ASTN2: variants seen among roughly 807,000 people sequenced by gnomAD.
The protein encoded by ASTN2 is astrotactin-2.
A neutral mutation model predicts 139.8 loss-of-function variants in ASTN2; 54 were observed. The observed-to-expected ratio is 0.39, with a 90% CI of 0.31 to 0.48. The LOEUF is 0.48. Among genes scored for constraint, ASTN2 ranks in the 20% least tolerant of loss-of-function variants. ASTN2 has a pLI of 0.95. For missense variants in ASTN2, 1,565 were observed against 1,725.1 expected, an observed-to-expected ratio of 0.91 and a Z score of 1.64; for synonymous variants, 756 against 719.5, an observed-to-expected ratio of 1.05 and a Z score of -0.81.
chr9:117,102,548 G>A (rs527471533), intron 4 of ASTN2, among the ~76,000 whole-genome samples: 4 of 152,110 alleles, frequency 2.6e-5, no homozygotes, highest in East Asian at 1.9e-4. Flanking sequence ...TTGAGACAGA[G>A]TTTCACTCTT....
Position 117,018,591 on chromosome 9 carries a change from C to T in ASTN2, c.1424-10332G>A, listed in dbSNP as rs1210646727. On this transcript the variant is annotated intron_variant, in intron 6 of 22. Transcript: ENST00000313400. Reference sequence around the variant, plus strand: ...TCTACTCTCTTCTGTCTGGAATTGGCTTCACTGGAAAAAGCATAGACCTTG... The same window carrying T: ...TCTACTCTCTTCTGTCTGGAATTGGTTTCACTGGAAAAAGCATAGACCTTG... 3.9e-5 allele frequency among the ~76,000 whole-genome samples: 6 copies of T among 152,124 alleles called. 1 individual carries two copies. Among genetic ancestry groups the T allele is most frequent in the Admixed American group, 1.3e-4 (2 of 15,262 alleles).
chr9:116,738,124 G>A lies in ASTN2; in HGVS notation c.2397-4601C>T, dbSNP rs535815456. ...GGAGAATGGCGTGAACCCGGGAGGC[G>A]GAGCTTGCAGTGAGCCGAGATCGCG... On this transcript the variant is annotated intron_variant, in intron 13 of 22. Coordinates refer to ENST00000313400, the MANE Select transcript of ASTN2 (RefSeq NM_001365068.1). Among the ~76,000 whole-genome samples the A allele has an allele frequency of 2.1e-4, 31 of 151,120 alleles. No homozygotes were observed. In the South Asian group the frequency reaches 3.6e-3, roughly 18 times the overall value.
At chr9:116,925,229 C>T (rs1221416960) in intron 10 of ASTN2, among the ~76,000 whole-genome samples, 2 of 152,206 alleles carry the variant, frequency 1.3e-5, no homozygotes, top group Non-Finnish European at 2.9e-5. Context: ...AGCACTACCA[C>T]CACTACCATC....
intron 5 of ASTN2, among the ~76,000 whole-genome samples, chr9:117,083,905 C>T (rs912860271): frequency 5.3e-5 from 8 of 151,960 alleles, no homozygotes; most frequent in African/African-American, 1.9e-4. Flanking sequence ...ATTTCAGGGA[C>T]CATCATGGGC....
chr9:116,426,143 C>T, intron 22 of ASTN2, 55 bp from the exon 23 acceptor site: 1 of 1,589,496 alleles, frequency 6.3e-7, no homozygotes, highest in Non-Finnish European at 8.6e-7. Context: ...AAGAGTTAGA[C>T]CTTTGAGGTA....
chr9:116,565,388 C>CATATATATATATAT (rs1164878126), intron 19 of ASTN2, among the ~76,000 whole-genome samples: 1 of 34,020 alleles, frequency 2.9e-5, no homozygotes. Flanking sequence ...TCTCTCTCTC[C>CATATATATATATAT]ATATATATAT....
At chr9:117,325,828 G>A (rs1828495423) in intron 1 of ASTN2, among the ~76,000 whole-genome samples, 1 of 152,168 alleles carries the variant, frequency 6.6e-6, no homozygotes, top group East Asian at 1.9e-4. Flanking sequence ...CAGACCTGAA[G>A]GGGTCCTTAA....
At chr9:117,135,004 G>A (rs1054968581) in intron 4 of ASTN2, among the ~76,000 whole-genome samples, 6 of 152,220 alleles carry the variant, frequency 3.9e-5, no homozygotes, top group Non-Finnish European at 7.3e-5. Context: ...AGCTCAGAGA[G>A]GGAGATGCCT....
intron 19 of ASTN2, among the ~76,000 whole-genome samples, chr9:116,608,806 C>T (rs1050990866): frequency 2.0e-5 from 3 of 151,850 alleles, no homozygotes; most frequent in African/African-American, 7.3e-5. Flanking sequence ...TTAAACTGAC[C>T]CAGAACTGAT....
intron 17 of ASTN2, among the ~76,000 whole-genome samples, chr9:116,645,208 C>T (rs956492066): frequency 2.0e-5 from 3 of 152,126 alleles, no homozygotes; most frequent in Non-Finnish European, 2.9e-5. Flanking sequence ...TCTCTTTCAC[C>T]CAGGAGCTAA....
intron 7 of ASTN2, among the ~76,000 whole-genome samples, chr9:116,997,503 A>C (rs1837059932): frequency 6.6e-6 from 1 of 152,108 alleles, no homozygotes. Flanking sequence ...CTTATTCAGT[A>C]AATTCTTTGT....
chr9:116,745,421 C>T (rs1829208171), intron 13 of ASTN2, among the ~76,000 whole-genome samples: 1 of 152,140 alleles, frequency 6.6e-6, no homozygotes, highest in Non-Finnish European at 1.5e-5. Context: ...CTCGTGGTGT[C>T]GTCTCCTTCA....
chr9:117,161,770 C>G (rs906917831), intron 3 of ASTN2, among the ~76,000 whole-genome samples: 4 of 151,868 alleles, frequency 2.6e-5, no homozygotes, highest in Non-Finnish European at 1.5e-5. Flanking sequence ...AAAATTCTGG[C>G]AAGGGGAAAC....
chr9:117,263,987 C>T (rs771931439), intron 2 of ASTN2, among the ~76,000 whole-genome samples: 14 of 151,890 alleles, frequency 9.2e-5, no homozygotes, highest in African/African-American at 1.2e-4. Flanking sequence ...GGCAACGCAG[C>T]GAAATCCCAT....
chr9:117,007,677 A>G (rs1241511817), intron 7 of ASTN2, among the ~76,000 whole-genome samples: 1 of 152,184 alleles, frequency 6.6e-6, no homozygotes, highest in African/African-American at 2.4e-5. Flanking sequence ...ATATGCTGTG[A>G]GATTTCCACA....
intron 1 of ASTN2, among the ~76,000 whole-genome samples, chr9:117,381,279 A>T (rs773436761): frequency 3.9e-5 from 6 of 152,148 alleles, no homozygotes; most frequent in Non-Finnish European, 8.8e-5. Context: ...GAGGTCATGA[A>T]ATGGTCTGGA....
At chr9:117,141,237 C>T in intron 4 of ASTN2, 89 bp downstream of exon 4, 4 of 1,267,574 alleles carry the variant, frequency 3.2e-6, no homozygotes, top group Non-Finnish European at 4.2e-6. Context: ...CACAGGGAAG[C>T]AAGGGAAGAA....
At chr9:117,016,813 T>TTATATATATATATATATATATATA (rs11378164) in intron 6 of ASTN2, among the ~76,000 whole-genome samples, 1 of 92,570 alleles carries the variant, frequency 1.1e-5, no homozygotes, top group African/African-American at 3.2e-5. Context: ...TATATATGTT[T>TTATATATATATATATATATATATA]TATATATATA....
At chr9:116,441,576 A>C (rs1397658984) in intron 21 of ASTN2, among the ~76,000 whole-genome samples, 1 of 152,068 alleles carries the variant, frequency 6.6e-6, no homozygotes, top group Non-Finnish European at 1.5e-5. Flanking sequence ...TATCAGGAAA[A>C]TGTTTCGAAT....
Sources: allele counts gnomAD v4.1 joint callset (sites outside exome capture counted in the v4.1 genomes callset), GRCh38; gene constraint gnomAD v4.1.1; transcripts MANE v1.5; gene names NCBI Gene and HGNC (gene_info 2026-07-23, HGNC 2026-07-21).